Variants in JAKMIP2 observed in about 807,000 individuals in gnomAD.
JAKMIP2 encodes janus kinase and microtubule-interacting protein 2.
JAKMIP2 carries 25 observed loss-of-function variants against 115.0 expected under a neutral mutation model. The observed-to-expected ratio is 0.22, with a 90% CI of 0.16 to 0.30. The LOEUF is 0.30. Among genes scored for constraint, JAKMIP2 ranks in the 10% least tolerant of loss-of-function variants. The pLI is 1.00. For missense variants in JAKMIP2, 642 were observed against 957.6 expected, an observed-to-expected ratio of 0.67 and a Z score of 4.35; for synonymous variants, 334 against 343.6, an observed-to-expected ratio of 0.97 and a Z score of 0.31.
intron 17 of JAKMIP2, among the ~76,000 whole-genome samples, chr5:147,622,196 T>C (rs2126657607): frequency 6.6e-6 from 1 of 152,348 alleles, no homozygotes; most frequent in South Asian, 2.1e-4. Context: ...TATGCATTGC[T>C]GTAAGTTAAT....
chr5:147,740,351 A>C (rs914797345), intron 1 of JAKMIP2, among the ~76,000 whole-genome samples: 2 of 152,254 alleles, frequency 1.3e-5, no homozygotes, highest in African/African-American at 4.8e-5. Context: ...CCTAACAAAA[A>C]TCTATTGATT....
chr5:147,715,930 G>C (rs138368413), intron 1 of JAKMIP2, among the ~76,000 whole-genome samples: 15,872 of 142,378 alleles, frequency 0.11, 1,129 homozygotes, highest in Middle Eastern at 0.19. Flanking sequence ...TGCCATGCTG[G>C]TGCACTGCAC....
chr5:147,631,376 A>G (rs780211109), intron 14 of JAKMIP2, 37 bp downstream of exon 14: 13 of 1,369,968 alleles, frequency 9.5e-6, no homozygotes, highest in Non-Finnish European at 1.3e-5. Flanking sequence ...CAGTTTTTCT[A>G]ATTTCTACAA....
At chr5:147,743,669 T>C (rs190163078) in intron 1 of JAKMIP2, among the ~76,000 whole-genome samples, 74 of 152,290 alleles carry the variant, frequency 4.9e-4, no homozygotes, top group African/African-American at 1.8e-3. Flanking sequence ...TCCTAATGAG[T>C]ATAAGGATTC....
chr5:147,709,724 T>C (rs1281641748), intron 1 of JAKMIP2, among the ~76,000 whole-genome samples: 4 of 151,954 alleles, frequency 2.6e-5, no homozygotes, highest in Non-Finnish European at 5.9e-5. Flanking sequence ...GTGGCATGCA[T>C]CTGTAATCCC....
intron 21 of JAKMIP2, among the ~76,000 whole-genome samples, chr5:147,601,430 A>C (rs1162141265): frequency 6.6e-6 from 1 of 152,044 alleles, no homozygotes; most frequent in African/African-American, 2.4e-5. Context: ...GTCTCTACTA[A>C]AAATAATAAT....
chr5:147,621,757 G>A (rs1452884886), intron 17 of JAKMIP2, among the ~76,000 whole-genome samples: 2 of 152,144 alleles, frequency 1.3e-5, no homozygotes, highest in African/African-American at 4.8e-5. Context: ...CAAATTATAA[G>A]CTATAATGTG....
chr5:147,631,814 G>C (rs927815620), intron 13 of JAKMIP2, among the ~76,000 whole-genome samples: 1 of 152,146 alleles, frequency 6.6e-6, no homozygotes, highest in Non-Finnish European at 1.5e-5. Flanking sequence ...AAATATCTCA[G>C]CGTGGTCTTG....
intron 1 of JAKMIP2, among the ~76,000 whole-genome samples, chr5:147,722,343 C>A (rs1753346119): frequency 6.6e-6 from 1 of 152,068 alleles, no homozygotes; most frequent in Non-Finnish European, 1.5e-5. Context: ...TATTCCTCTC[C>A]CCGTCTTTTC....
At chr5:147,663,833 C>T (rs760690566) in intron 2 of JAKMIP2, among the ~76,000 whole-genome samples, 16 of 152,118 alleles carry the variant, frequency 1.1e-4, no homozygotes, top group Non-Finnish European at 1.6e-4. Context: ...GATCTCACCT[C>T]CAGCTTACAC....
In JAKMIP2 at chr5:147,656,008, A is replaced by G. The variant is rs115125558; in HGVS notation, c.627+4940T>C. ...TTTCCATGTAGTTGTGTGGTTTTGA[A>G]TAAGTTTCTTAATCCTGAGTTCTAA... On this transcript the variant is annotated intron_variant, in intron 3 of 21. Transcript: ENST00000616793. 7.1e-3 allele frequency among the ~76,000 whole-genome samples: 1,081 copies of G among 152,234 alleles called. 10 individuals carry two copies. The highest frequency in any genetic ancestry group is 0.011 in the Non-Finnish European group (763 of 67,990).
intron 20 of JAKMIP2, among the ~76,000 whole-genome samples, chr5:147,604,835 TATTATTATA>T (rs1426846570): frequency 1.3e-5 from 1 of 79,034 alleles, no homozygotes; most frequent in African/African-American, 4.7e-5. Flanking sequence ...TTATTATTAT[TATTATTATA>T]CTTTAAGTTC....
Position 147,661,437 on chromosome 5 carries a change from C to G in JAKMIP2, c.138G>C (p.Lys46Asn). The G allele has an allele frequency of 6.2e-7, 1 of 1,609,764 alleles. No individual in the cohort carries two copies. The highest frequency in any genetic ancestry group is 1.7e-5 in the Admixed American group (1 of 59,180). Residue 46 changes from lysine to asparagine, a missense_variant, in exon 3 of 22, where the codon AAG becomes AAC. Physicochemically the swap from Lys to Asn is moderately conservative, Grantham distance 94. Around this residue, in one of 6 missense-constraint regions of JAKMIP2, gnomAD observed 439 missense variants for 570.9 expected, o/e 0.77. Transcript: ENST00000616793. ...ELHQEKSKVS[K>N]LEREKTQEAK... ...CTTCTTGAGTCTTCTCTCTTTCAAG[C>G]TTTGATACCTAAAAACAGAGAGGCG...
rs376256136 is a variant in JAKMIP2 at position 147,612,421 on chromosome 5, G to A, written c.2347-50C>T. On this transcript the variant is annotated intron_variant, in intron 19 of 21. Transcript: ENST00000616793. Reference sequence around the variant, plus strand: ...AAAGCATCAGTAGGTGGTAAGTTGTGCGGAAAAATAATTTACCAAATGAAA... The same window carrying A: ...AAAGCATCAGTAGGTGGTAAGTTGTACGGAAAAATAATTTACCAAATGAAA... 61 of 1,120,480 alleles carry A rather than the reference G, an allele frequency of 5.4e-5. No homozygotes were observed. The African/African-American group carries it at 8.7e-4, about 16-fold the overall frequency. The allele number at this position is 1,120,480 out of a possible 1,614,324, so 69.4% of individuals were successfully genotyped here.
chr5:147,747,172 G>A (rs1198520302), intron 1 of JAKMIP2, among the ~76,000 whole-genome samples: 2 of 152,056 alleles, frequency 1.3e-5, no homozygotes, highest in East Asian at 3.9e-4. Context: ...CTTTGGCAGT[G>A]CCACGGTGCA....
intron 1 of JAKMIP2, among the ~76,000 whole-genome samples, chr5:147,714,426 G>A (rs1045662014): frequency 6.6e-5 from 10 of 152,248 alleles, no homozygotes; most frequent in African/African-American, 2.4e-4. Flanking sequence ...AAAGCATGGA[G>A]AGACCAAAAG....
intron 1 of JAKMIP2, among the ~76,000 whole-genome samples, chr5:147,730,647 G>C (rs1045001470): frequency 6.6e-6 from 1 of 152,032 alleles, no homozygotes; most frequent in East Asian, 1.9e-4. Flanking sequence ...GTAGAGACAG[G>C]GTTTCACTAT....
At chr5:147,605,457 C>G (rs1755956772) in intron 20 of JAKMIP2, among the ~76,000 whole-genome samples, 1 of 152,112 alleles carries the variant, frequency 6.6e-6, no homozygotes, top group Non-Finnish European at 1.5e-5. Flanking sequence ...GATCCGCCCA[C>G]CTCGGCCTCC....
intron 18 of JAKMIP2, 148 bp from the exon 19 acceptor site, chr5:147,618,262 C>T (rs1756681594): frequency 4.7e-6 from 3 of 639,412 alleles, no homozygotes; most frequent in African/African-American, 1.8e-5. Context: ...CTTCTCTAGC[C>T]TAATTACACT....
Sources: allele counts gnomAD v4.1 joint callset (sites outside exome capture counted in the v4.1 genomes callset), GRCh38; gene constraint gnomAD v4.1.1; regional missense constraint gnomAD v4.1.1; transcripts MANE v1.5; gene names NCBI Gene and HGNC (gene_info 2026-07-23, HGNC 2026-07-21).